DDX46: variants seen among roughly 807,000 people sequenced by gnomAD.
The protein encoded by DDX46 is DEAD-box helicase 46, also known as probable ATP-dependent RNA helicase DDX46.
DDX46 carries 30 observed loss-of-function variants against 134.9 expected under a neutral mutation model. That is an observed-to-expected ratio of 0.22 (90% CI 0.17 to 0.30). The LOEUF is 0.30. Among genes scored for constraint, DDX46 ranks in the 10% least tolerant of loss-of-function variants. The probability of loss-of-function intolerance (pLI) is 1.00; values close to 1 mark genes in which losing one functional copy is unlikely to be tolerated. For synonymous variants in DDX46, 415 were observed against 404.1 expected (o/e 1.03, Z -0.32); for missense variants, 622 against 1,248.7 (o/e 0.50, Z 7.56).
At chr5:134,777,804 G>A (rs1388076260) in intron 6 of DDX46, 79 bp downstream of exon 6, 3 of 1,471,506 alleles carry the variant, frequency 2.0e-6, no homozygotes, top group Non-Finnish European at 2.7e-6. Context: ...CCTACTGATT[G>A]GCATGACTTT....
At chr5:134,787,196 C>T (rs1460577461) in intron 11 of DDX46, among the ~76,000 whole-genome samples, 2 of 152,008 alleles carry the variant, frequency 1.3e-5, no homozygotes, top group Non-Finnish European at 2.9e-5. Context: ...TGTAACACCT[C>T]CGAAAGGTAT....
intron 13 of DDX46, among the ~76,000 whole-genome samples, chr5:134,791,857 G>A (rs1754512696): frequency 6.6e-6 from 1 of 152,164 alleles, no homozygotes; most frequent in Non-Finnish European, 1.5e-5. Context: ...GGTAATGCTT[G>A]AACCATATGC....
intron 15 of DDX46, among the ~76,000 whole-genome samples, chr5:134,800,100 G>A (rs1475381335): frequency 6.6e-6 from 1 of 151,710 alleles, no homozygotes; most frequent in African/African-American, 2.4e-5. Flanking sequence ...GGCATGCACC[G>A]CCATGCCCGG....
intron 4 of DDX46, among the ~76,000 whole-genome samples, chr5:134,771,541 A>G (rs1486375781): frequency 6.6e-6 from 1 of 150,598 alleles, no homozygotes; most frequent in Non-Finnish European, 1.5e-5. Context: ...AAATACAAAA[A>G]AAAAAAAAAG....
intron 21 of DDX46, among the ~76,000 whole-genome samples, chr5:134,819,628 C>G: frequency 6.6e-6 from 1 of 151,914 alleles, no homozygotes; most frequent in African/African-American, 2.4e-5. Context: ...CTCCTGGGCT[C>G]AAGTGATCCT....
intron 21 of DDX46, among the ~76,000 whole-genome samples, chr5:134,819,422 T>TA (rs755274314): frequency 3.3e-5 from 5 of 152,188 alleles, no homozygotes; most frequent in Non-Finnish European, 5.9e-5. Flanking sequence ...AAATAAGAAG[T>TA]AGACAATGCC....
At position 134,794,813 on chromosome 5, in the gene DDX46, T is replaced by C. The variant is rs781307597; in HGVS notation, c.1627-37T>C. The C allele has an allele frequency of 1.9e-6, 3 of 1,610,068 alleles. No individual in the cohort carries two copies. The Admixed American group carries it at 5.1e-5, about 27-fold the overall frequency. ...CATTGCATAAGCTTTGAAGACCATA[T>C]TTACCATATTTATTTGTAATGTTTT... is the stretch of plus-strand genomic sequence containing the variant. On this transcript the variant is annotated intron_variant, in intron 13 of 22. Coordinates refer to ENST00000452510, the MANE Select transcript of DDX46 (RefSeq NM_001300860.2).
intron 2 of DDX46, among the ~76,000 whole-genome samples, chr5:134,765,381 TAAAAAA>T (rs751912543): frequency 2.1e-5 from 2 of 97,288 alleles, no homozygotes; most frequent in East Asian, 2.9e-4. Context: ...CCGTCTCTAC[TAAAAAA>T]AAAAAAAAAA....
chr5:134,824,904 C>T (rs900217204), intron 21 of DDX46, among the ~76,000 whole-genome samples: 2 of 152,212 alleles, frequency 1.3e-5, no homozygotes, highest in Non-Finnish European at 2.9e-5. Flanking sequence ...GAAGGACTTA[C>T]ATGCCTAGTC....
Position 134,782,098 on chromosome 5 carries a change from T to G in DDX46, c.1045+12T>G. 5.7e-6 allele frequency: 9 copies of G among 1,578,828 alleles called. No homozygotes were observed. The highest frequency in any genetic ancestry group is 6.8e-6 in the Non-Finnish European group (8 of 1,169,700). ...AATGTCTCAAGAAGGTAAAATTCCA[T>G]TTTTTCATTTACTGGTTATAAGGGA... On this transcript the variant is annotated intron_variant, in intron 8 of 22. Transcript: ENST00000452510.
chr5:134,812,158 G>A (rs1465218139), intron 18 of DDX46, among the ~76,000 whole-genome samples: 1 of 146,284 alleles, frequency 6.8e-6, no homozygotes, highest in East Asian at 2.0e-4. Flanking sequence ...TCCGCCTCCT[G>A]GGTTCAAGCA....
At chr5:134,785,398 T>C (rs550787450) in intron 10 of DDX46, 67 bp from the exon 11 acceptor site, 4 of 1,471,642 alleles carry the variant, frequency 2.7e-6, no homozygotes, top group East Asian at 2.5e-5. Context: ...AAAGGTTAAA[T>C]TGAACACTAT....
At position 134,829,788 on chromosome 5, in the gene DDX46, GTC is replaced by G. The variant is rs1209924523; in HGVS notation, c.*1086_*1087del. ...AGCCTGGTCAACATGGTGAAACCCT[GTC>G]TCTACTAAAAATACAAAAATTAGTC... On this transcript the variant is annotated 3_prime_UTR_variant, in exon 23 of 23. Coordinates refer to ENST00000452510, the MANE Select transcript of DDX46 (RefSeq NM_001300860.2). 6.6e-6 allele frequency: 1 copy of G among 152,044 alleles called. No homozygotes were observed. The highest frequency in any genetic ancestry group is 2.4e-5 in the African/African-American group (1 of 41,382). 9.4% of individuals were successfully genotyped at this position (152,044 alleles called of 1,614,324 possible). A position where few individuals can be genotyped will look rare whatever the true frequency, so the allele number is the denominator to read the frequency against.
intron 3 of DDX46, among the ~76,000 whole-genome samples, chr5:134,769,338 T>G (rs1435343914): frequency 1.4e-5 from 2 of 146,152 alleles, no homozygotes; most frequent in East Asian, 3.9e-4. Context: ...TTTTTTTTTT[T>G]TTTTTTTTTT....
At chr5:134,786,840 A>G (rs1052830315) in intron 11 of DDX46, among the ~76,000 whole-genome samples, 3 of 152,120 alleles carry the variant, frequency 2.0e-5, no homozygotes, top group Non-Finnish European at 2.9e-5. Flanking sequence ...GCAAGACTCC[A>G]TCTTGGGGGG....
chr5:134,764,263 C>T (rs934839971), intron 2 of DDX46, among the ~76,000 whole-genome samples, 171 bp downstream of exon 2: 1 of 150,954 alleles, frequency 6.6e-6, no homozygotes, highest in Non-Finnish European at 1.5e-5. Flanking sequence ...TACAAAGACT[C>T]TATCAAACAG....
At chr5:134,820,299 G>A (rs1755406081) in intron 21 of DDX46, among the ~76,000 whole-genome samples, 1 of 152,180 alleles carries the variant, frequency 6.6e-6, no homozygotes, top group African/African-American at 2.4e-5. Flanking sequence ...ATGTGAAATG[G>A]AAGCAAGACA....
In DDX46 at chr5:134,811,774, A is replaced by G; in HGVS notation, c.2365A>G (p.Asn789Asp). Reference protein sequence around the residue: ...KFDETEQALANERKKLQKAAL... With the variant: ...KFDETEQALADERKKLQKAAL... ...TGATGAAACAGAACAAGCTTTGGCT[A>G]ATGAGAGGAAGAAGTTACAAAAAGC... is the stretch of plus-strand genomic sequence containing the variant. Residue 789 changes from asparagine (N) to aspartate (D), a missense_variant, in exon 18 of 23, where the codon AAT becomes GAT. Physicochemically the swap from Asn to Asp is conservative, Grantham distance 23. Transcript: ENST00000452510. The G allele has an allele frequency of 1.9e-6, 3 of 1,614,054 alleles. No homozygotes were observed. The highest frequency in any genetic ancestry group is 2.5e-6 in the Non-Finnish European group (3 of 1,179,990).
At chr5:134,820,849 C>G (rs1243575954) in intron 21 of DDX46, among the ~76,000 whole-genome samples, 1 of 143,346 alleles carries the variant, frequency 7.0e-6, no homozygotes, top group Non-Finnish European at 1.5e-5. Flanking sequence ...TTAGAGTAAT[C>G]TTTTCTTTTC....
Sources: allele counts gnomAD v4.1 joint callset (sites outside exome capture counted in the v4.1 genomes callset), GRCh38; gene constraint gnomAD v4.1.1; transcripts MANE v1.5; gene names NCBI Gene and HGNC (gene_info 2026-07-23, HGNC 2026-07-21).